The following DDX21 variants were observed in gnomAD, a reference collection of about 807,000 sequenced individuals.
DDX21 encodes DExD-box helicase 21.
In DDX21, 18 loss-of-function variants were observed where a neutral mutation model predicts 90.0. The ratio of observed to expected loss-of-function variants is 0.20; its 90% CI spans 0.14 to 0.30. The LOEUF (loss-of-function observed/expected upper bound fraction) is 0.30. DDX21 is among the 10% of genes least tolerant of loss of function. The probability of loss-of-function intolerance (pLI) is 1.00; values close to 1 mark genes in which losing one functional copy is unlikely to be tolerated. For missense variants in DDX21, 673 were observed against 944.5 expected (o/e 0.71, Z 3.77); for synonymous variants, 294 against 318.0 (o/e 0.92, Z 0.80).
intron 7 of DDX21, 109 bp downstream of exon 7, chr10:68,969,230 G>A: frequency 9.1e-7 from 1 of 1,096,832 alleles, no homozygotes; most frequent in East Asian, 2.7e-5. Context: ...CTAAATCCAT[G>A]TGAAAAGCCA....
intron 11 of DDX21, among the ~76,000 whole-genome samples, chr10:68,977,026 T>A (rs1159187765): frequency 6.6e-6 from 1 of 152,030 alleles, no homozygotes; most frequent in Admixed American, 6.6e-5. Flanking sequence ...TCCTCCCACC[T>A]CAGCCTCCCA....
chr10:68,962,772 G>T (rs189336475), intron 3 of DDX21, among the ~76,000 whole-genome samples: 30 of 152,324 alleles, frequency 2.0e-4, no homozygotes, highest in South Asian at 1.4e-3. Flanking sequence ...CATAAACCCA[G>T]AATTCATTTA....
At chr10:68,969,340 C>T (rs1172555590) in intron 7 of DDX21, among the ~76,000 whole-genome samples, 1 of 152,038 alleles carries the variant, frequency 6.6e-6, no homozygotes. Context: ...AGTGCAGTGG[C>T]GCAATCTCCG....
Position 68,968,960 on chromosome 10 carries a change from T to C in DDX21, c.1091-16T>C, listed in dbSNP as rs767175139. On this transcript the variant is annotated splice_polypyrimidine_tract_variant and intron_variant, in intron 6 of 14. Coordinates refer to ENST00000354185, the MANE Select transcript of DDX21 (RefSeq NM_004728.4). ...TGGATTATTCATACTGACTTTTTTTTTCCCCCTCCTCAAAGATTCTGAAGA... is the reference window on the plus strand; with the variant it reads ...TGGATTATTCATACTGACTTTTTTTCTCCCCCTCCTCAAAGATTCTGAAGA... 11 of 1,611,424 alleles carry C rather than the reference T, an allele frequency of 6.8e-6. No homozygotes were observed. The highest frequency in any genetic ancestry group is 1.7e-5 in the Admixed American group (1 of 59,246).
At chr10:68,971,836 A>G in intron 8 of DDX21, 55 bp from the exon 9 acceptor site, 1 of 1,570,070 alleles carries the variant, frequency 6.4e-7, no homozygotes, top group East Asian at 2.3e-5. Flanking sequence ...GATGAAGAGA[A>G]AAAGTACTTG....
chr10:68,965,603 T>C, intron 5 of DDX21, 109 bp downstream of exon 5: 2 of 770,726 alleles, frequency 2.6e-6, no homozygotes, highest in Non-Finnish European at 4.2e-6. Flanking sequence ...GATAGTCGTT[T>C]ATGGGGATTT....
intron 1 of DDX21, 67 bp downstream of exon 1, chr10:68,956,379 G>C (rs1842794077): frequency 3.7e-6 from 6 of 1,603,930 alleles, no homozygotes; most frequent in Non-Finnish European, 4.3e-6. Context: ...TGCGGGAGAA[G>C]TGCCCGGGCT....
rs886482525 is a variant in DDX21, at chr10:68,972,818, G to C, written c.1549-727G>C. On this transcript the variant is annotated intron_variant, in intron 9 of 14. Coordinates refer to ENST00000354185, the MANE Select transcript of DDX21 (RefSeq NM_004728.4). ...CTTTTTATTATGCGGTCTGGATTTT[G>C]AAGACTTACGAAAAAATACAAAATA... 3.9e-5 allele frequency among the ~76,000 whole-genome samples: 6 copies of C among 152,280 alleles called. No individual in the cohort carries two copies. In the East Asian group the frequency reaches 1.2e-3, roughly 29 times the overall value.
Position 68,977,608 on chromosome 10 carries a change from G to A in DDX21, c.1822G>A (p.Val608Met), listed in dbSNP as rs1349360166. The A allele has an allele frequency of 1.2e-6, 2 of 1,613,930 alleles. No homozygotes were observed. The highest frequency in any genetic ancestry group is 1.7e-6 in the Non-Finnish European group (2 of 1,179,924). ...AEKLIEEKGA[V>M]EALAAALAHI... The stretch of plus-strand genomic sequence containing the variant: ...GAAGCTGATAGAGGAGAAGGGAGCT[G>A]TGGAAGCTCTGGCAGCAGCACTGGC... The change falls in exon 12 of 15, where the codon GTG becomes ATG. Residue 608 changes from valine (V) to methionine (M), a missense_variant. This residue lies in a region of DDX21 where 225 missense variants were observed against 298.8 expected (regional missense o/e 0.75). Transcript: ENST00000354185.
At chr10:68,962,888 G>A (rs1296726953) in intron 3 of DDX21, among the ~76,000 whole-genome samples, 2 of 152,218 alleles carry the variant, frequency 1.3e-5, no homozygotes, top group East Asian at 1.9e-4. Flanking sequence ...CAGGCTTATG[G>A]ATGAGACTTC....
intron 8 of DDX21, 77 bp downstream of exon 8, chr10:68,970,427 G>T (rs1843006243): frequency 7.2e-7 from 1 of 1,382,044 alleles, no homozygotes; most frequent in Non-Finnish European, 9.7e-7. Context: ...CTCTTGGTCT[G>T]ATTTTCATTC....
At chr10:68,981,870 T>TGC (rs897677391) in intron 14 of DDX21, among the ~76,000 whole-genome samples, 5 of 151,830 alleles carry the variant, frequency 3.3e-5, no homozygotes, top group African/African-American at 1.2e-4. Flanking sequence ...TGTGTGTGTG[T>TGC]GTGCATGTGT....
chr10:68,960,254 A>G lies in DDX21; in HGVS notation c.531+5A>G. 2 of 1,587,710 alleles carry G rather than the reference A, an allele frequency of 1.3e-6. No homozygotes were observed. Among genetic ancestry groups the G allele is most frequent in the Middle Eastern group, 1.7e-4 (1 of 5,904 alleles). ...AGTAACAGTGAGATAGAGCAGGTAC[A>G]TTTGCACTTCATTGGGTAGAAGATA... On this transcript the variant is annotated splice_donor_5th_base_variant and intron_variant, in intron 2 of 14. Coordinates refer to ENST00000354185, the MANE Select transcript of DDX21 (RefSeq NM_004728.4).
chr10:68,977,353 A>G (rs2132093677), intron 11 of DDX21, among the ~76,000 whole-genome samples, 176 bp from the exon 12 acceptor site: 1 of 152,362 alleles, frequency 6.6e-6, no homozygotes, highest in South Asian at 2.1e-4. Flanking sequence ...AGAATTACAT[A>G]CAGTCAAAGG....
chr10:68,972,913 G>C (rs1843046910), intron 9 of DDX21, among the ~76,000 whole-genome samples: 1 of 152,158 alleles, frequency 6.6e-6, no homozygotes, highest in Non-Finnish European at 1.5e-5. Context: ...TGACAGGCGT[G>C]GTGGCTCATG....
chr10:68,958,104 G>A (rs1195487859), intron 1 of DDX21, among the ~76,000 whole-genome samples: 1 of 152,090 alleles, frequency 6.6e-6, no homozygotes, highest in African/African-American at 2.4e-5. Flanking sequence ...GTTTCATAAA[G>A]TGTCTCTTTA....
chr10:68,962,108 C>T lies in DDX21; in HGVS notation c.558C>T (p.Gly186=), dbSNP rs773004828. The part of the protein sequence containing the change: ...EQEIPVEQKE[G]AFSNFPISEE... ...AAATACCTGTGGAACAAAAAGAAGG[C>T]GCTTTCTCTAATTTTCCCATATCTG... The change falls in exon 3 of 15, where the codon GGC becomes GGT. Residue 186 remains glycine (G), a synonymous_variant. Transcript: ENST00000354185. 33 of 1,612,300 alleles carry T rather than the reference C, an allele frequency of 2.0e-5. No homozygotes were observed. Among genetic ancestry groups the T allele is most frequent in the Admixed American group, 1.2e-4 (7 of 59,862 alleles).
rs1476287874 is a variant in DDX21, at chr10:68,983,723, C to T, written c.*911C>T. The T allele has an allele frequency of 7.1e-6, 1 of 140,246 alleles. No homozygotes were observed. Among genetic ancestry groups the T allele is most frequent in the African/African-American group, 2.6e-5 (1 of 38,626 alleles). The allele number at this position is 140,246 out of a possible 1,614,324, so 8.7% of individuals were successfully genotyped here. ...TAAAAAAAAAAAAAAAAAAAAAGAA[C>T]CAAACCACTGGAAATAATCAAATGC... On this transcript the variant is annotated 3_prime_UTR_variant, in exon 15 of 15. Transcript: ENST00000354185.
rs773619076 is a variant in DDX21, at chr10:68,982,612, C to T, written c.2152C>T (p.Arg718Trp). ...ATEQPELEGPREGYGGFRGQR... is the reference protein window; with the variant it reads ...ATEQPELEGPWEGYGGFRGQR... The stretch of plus-strand genomic sequence containing the variant: ...AGAGCAACCAGAACTGGAAGGACCA[C>T]GGGAAGGATATGGAGGCTTCAGGGG... Residue 718 changes from arginine to tryptophan, a missense_variant, in exon 15 of 15, where the codon CGG (arginine) becomes TGG (tryptophan). By Grantham distance (101) the Arg-to-Trp change is moderately radical. This residue lies in a region of DDX21 where 225 missense variants were observed against 298.8 expected (regional missense o/e 0.75). Transcript: ENST00000354185. 6.8e-6 allele frequency: 11 copies of T among 1,613,916 alleles called. No individual in the cohort carries two copies. The highest frequency in any genetic ancestry group is 2.2e-5 in the South Asian group (2 of 91,070).
Sources: gnomAD v4.1 joint callset for allele counts (sites outside exome capture counted in the v4.1 genomes callset) on GRCh38, gnomAD v4.1.1 for gene constraint, gnomAD v4.1.1 regional missense constraint, MANE v1.5 for transcripts, NCBI Gene and HGNC (gene_info 2026-07-23, HGNC 2026-07-21) for gene names.